Variants in TRIM61 observed in about 807,000 individuals in gnomAD.
TRIM61 encodes putative tripartite motif-containing protein 61.
TRIM61 carries 1 observed loss-of-function variant against 14.2 expected under a neutral mutation model. The observed-to-expected ratio is 0.07, with a 90% confidence interval of 0.03 to 0.33. TRIM61 has a LOEUF of 0.33. Among genes scored for constraint, TRIM61 ranks in the 10% least tolerant of loss-of-function variants. The pLI is 0.99. For synonymous variants in TRIM61, 8 were observed against 71.6 expected (o/e 0.11, Z 4.49); for missense variants, 19 against 202.2 (o/e 0.09, Z 5.49).
chr4:164,958,012 A>G (rs1385110147), intron 3 of TRIM61: 2 of 168,246 alleles, frequency 1.2e-5, no homozygotes, highest in Non-Finnish European at 2.9e-5. Context: ...ACAGCAAGTC[A>G]TAATCTTGTA....
In TRIM61 at chr4:164,969,521, A is replaced by C. The variant is rs199540291; in HGVS notation, c.482T>G (p.Val161Gly). Residue 161 changes from valine to glycine, a missense_variant, in exon 3 of 5, where the codon GTC becomes GGC. This residue lies in a region of TRIM61 where 2 missense variants were observed against 96.6 expected (regional missense o/e 0.02). Coordinates refer to ENST00000329314, the MANE Select transcript of TRIM61 (RefSeq NM_001012414.3). ...TGATTTCCTGGTTTGCATAGTTATGACTTTTTCAATTAGTTCCACTCTCTC... is the reference window on the plus strand; with the variant it reads ...TGATTTCCTGGTTTGCATAGTTATGCCTTTTTCAATTAGTTCCACTCTCTC... 1.2e-3 allele frequency: 1,879 copies of C among 1,556,500 alleles called. 2 individuals are homozygous for C. Among genetic ancestry groups the C allele is most frequent in the Non-Finnish European group, 1.5e-3 (1,762 of 1,149,852 alleles).
At chr4:164,973,091 G>T in intron 2 of TRIM61, among the ~76,000 whole-genome samples, 1 of 152,068 alleles carries the variant, frequency 6.6e-6, no homozygotes, top group Non-Finnish European at 1.5e-5. Flanking sequence ...CTAAGTTTTG[G>T]TCCTTCTAGA....
At chr4:164,968,004 T>C (rs867226214) in intron 3 of TRIM61, among the ~76,000 whole-genome samples, 32 of 151,654 alleles carry the variant, frequency 2.1e-4, no homozygotes, top group African/African-American at 7.5e-4. Flanking sequence ...ATACAAAAAT[T>C]AGCTGGGTGT....
chr4:164,957,823 A>C (rs11938340), intron 3 of TRIM61: 3,154 of 221,490 alleles, frequency 0.014, 81 homozygotes, highest in African/African-American at 0.06. Flanking sequence ...AGAGTAAACT[A>C]TTCACTCAAA....
In TRIM61 at chr4:164,964,778, A is replaced by G. The variant is rs1326610010; in HGVS notation, c.525+4700T>C. ...GGATGCTGGAAATACATCAGTATAT[A>G]TTTTTCATTTACAAAACCCTTATCA... On this transcript the variant is annotated intron_variant, in intron 3 of 4. Coordinates refer to ENST00000329314, the MANE Select transcript of TRIM61 (RefSeq NM_001012414.3). Among the ~76,000 whole-genome samples, 3 of 152,146 alleles carry G rather than the reference A, an allele frequency of 2.0e-5. No homozygotes were observed. The East Asian group carries it at 5.8e-4, about 29-fold the overall frequency.
At chr4:164,977,128 T>C (rs1195900604) in intron 1 of TRIM61, among the ~76,000 whole-genome samples, 1 of 152,164 alleles carries the variant, frequency 6.6e-6, no homozygotes, top group Non-Finnish European at 1.5e-5. Flanking sequence ...TGATAATTCG[T>C]ACCTGTAAGA....
intron 2 of TRIM61, 88 bp downstream of exon 2, chr4:164,976,600 T>C (rs917407006): frequency 6.6e-6 from 1 of 152,262 alleles, no homozygotes; most frequent in Non-Finnish European, 1.5e-5. Context: ...ACTGACCTTT[T>C]CAAATACAAA....
At chr4:164,957,180 G>A in intron 3 of TRIM61, 1 of 1,612,904 alleles carries the variant, frequency 6.2e-7, no homozygotes, top group Non-Finnish European at 8.5e-7. Context: ...ACCGGCGGCC[G>A]CCATGGCAGT....
chr4:164,957,405 C>T, intron 3 of TRIM61: 1 of 1,614,048 alleles, frequency 6.2e-7, no homozygotes, highest in Non-Finnish European at 8.5e-7. Context: ...AGGAAGAGAA[C>T]CACCATCAGG....
At chr4:164,971,667 A>G (rs1732369834) in intron 2 of TRIM61, among the ~76,000 whole-genome samples, 1 of 152,116 alleles carries the variant, frequency 6.6e-6, no homozygotes. Context: ...TCCAGGGAAA[A>G]AGTATAAGGA....
At chr4:164,957,549 G>A in intron 3 of TRIM61, 1 of 1,531,604 alleles carries the variant, frequency 6.5e-7, no homozygotes. Context: ...ATCTGAAACA[G>A]CAAGTGTAAA....
chr4:164,962,989 A>G lies in TRIM61; in HGVS notation c.525+6489T>C, dbSNP rs189802430. ...GAGGCCCCAAATTATTTAAAAATAT[A>G]TACTATAAACCCTAGGAGAACCATT... is the stretch of plus-strand genomic sequence containing the variant. On this transcript the variant is annotated intron_variant, in intron 3 of 4. Coordinates refer to ENST00000329314, the MANE Select transcript of TRIM61 (RefSeq NM_001012414.3). Among the ~76,000 whole-genome samples the G allele has an allele frequency of 1.3e-3, 204 of 152,340 alleles. 1 individual carries two copies. The highest frequency in any genetic ancestry group is 7.0e-3 in the South Asian group (34 of 4,828).
intron 3 of TRIM61, among the ~76,000 whole-genome samples, chr4:164,965,091 C>T (rs2111140807): frequency 6.6e-6 from 1 of 152,216 alleles, no homozygotes; most frequent in South Asian, 2.1e-4. Context: ...AGTTTGAGAC[C>T]AGCCTGGCCA....
intron 2 of TRIM61, among the ~76,000 whole-genome samples, chr4:164,974,027 G>A (rs763949504): frequency 2.4e-4 from 36 of 152,328 alleles, no homozygotes; most frequent in Admixed American, 1.0e-3. Context: ...AAAATTAGCT[G>A]GCAGTGGTGG....
At chr4:164,968,582 A>G in intron 3 of TRIM61, 1 of 985,804 alleles carries the variant, frequency 1.0e-6, no homozygotes, top group South Asian at 4.7e-5. Flanking sequence ...GAGTCTTCTA[A>G]TAATTCATTC....
At chr4:164,959,285 T>C (rs1732081571) in intron 3 of TRIM61, among the ~76,000 whole-genome samples, 2 of 152,208 alleles carry the variant, frequency 1.3e-5, no homozygotes, top group Non-Finnish European at 2.9e-5. Context: ...TTTGGTGATA[T>C]GATGCACAGC....
At chr4:164,964,154 C>G (rs1457060841) in intron 3 of TRIM61, among the ~76,000 whole-genome samples, 1 of 151,670 alleles carries the variant, frequency 6.6e-6, no homozygotes, top group Admixed American at 6.6e-5. Context: ...TCGAGACCAT[C>G]CTGGCTAACA....
At chr4:164,964,115 C>T (rs981212581) in intron 3 of TRIM61, among the ~76,000 whole-genome samples, 4 of 151,380 alleles carry the variant, frequency 2.6e-5, no homozygotes, top group Non-Finnish European at 4.4e-5. Context: ...TTTGGGAGGC[C>T]GAGGCGGGCT....
intron 3 of TRIM61, chr4:164,957,203 A>G: frequency 1.2e-6 from 2 of 1,613,966 alleles, no homozygotes; most frequent in Non-Finnish European, 1.7e-6. Context: ...CTCTTTGCTC[A>G]GACATCCAGG....
Sources: allele counts gnomAD v4.1 joint callset (sites outside exome capture counted in the v4.1 genomes callset), GRCh38; gene constraint gnomAD v4.1.1; regional missense constraint gnomAD v4.1.1; transcripts MANE v1.5; gene names NCBI Gene and HGNC (gene_info 2026-07-23, HGNC 2026-07-21).